DGKB: variants seen among roughly 807,000 people sequenced by gnomAD.
DGKB encodes the protein diacylglycerol kinase beta.
DGKB carries 67 observed loss-of-function variants against 114.3 expected under a neutral mutation model. That is an observed-to-expected ratio of 0.59 (90% CI 0.48 to 0.72). DGKB has a LOEUF of 0.72. DGKB is among the 30% of genes least tolerant of loss of function. The pLI is 0.00. For synonymous variants in DGKB, 398 were observed against 323.1 expected, an observed-to-expected ratio of 1.23 and a Z score of -2.49; for missense variants, 907 against 975.2, an observed-to-expected ratio of 0.93 and a Z score of 0.93.
chr7:14,400,073 T>TA (rs979812618), intron 21 of DGKB, among the ~76,000 whole-genome samples: 21 of 151,878 alleles, frequency 1.4e-4, no homozygotes, highest in African/African-American at 5.1e-4. Flanking sequence ...CGTGTAAAAA[T>TA]AGTTACTAAA....
At chr7:14,873,862 CTGTA>C (rs1378149441) in intron 1 of DGKB, among the ~76,000 whole-genome samples, 1 of 151,900 alleles carries the variant, frequency 6.6e-6, no homozygotes. Flanking sequence ...TTAGTAATGG[CTGTA>C]TGTATTACAT....
At chr7:14,817,195 G>T (rs573579766) in intron 2 of DGKB, among the ~76,000 whole-genome samples, 4 of 152,192 alleles carry the variant, frequency 2.6e-5, no homozygotes, top group African/African-American at 7.2e-5. Flanking sequence ...CGTTATGGTT[G>T]CCCCTAACAC....
intron 3 of DGKB, among the ~76,000 whole-genome samples, chr7:14,755,581 C>G (rs7786354): frequency 0.36 from 54,212 of 151,946 alleles, 13,411 homozygotes; most frequent in African/African-American, 0.69. Flanking sequence ...CCAGCCAATG[C>G]AGAGTGATAA....
chr7:14,396,554 G>T (rs185585700), intron 21 of DGKB, among the ~76,000 whole-genome samples: 1 of 152,194 alleles, frequency 6.6e-6, no homozygotes, highest in African/African-American at 2.4e-5. Flanking sequence ...TGTGGCCATG[G>T]ACCAAAAGGC....
chr7:14,572,448 T>C (rs1303942795), intron 20 of DGKB, among the ~76,000 whole-genome samples: 2 of 145,500 alleles, frequency 1.4e-5, no homozygotes, highest in East Asian at 2.0e-4. Context: ...CGAGACACCA[T>C]CTCAAAAAAA....
intron 2 of DGKB, among the ~76,000 whole-genome samples, chr7:14,829,032 C>T (rs974106489): frequency 4.0e-5 from 6 of 151,796 alleles, no homozygotes; most frequent in African/African-American, 1.5e-4. Flanking sequence ...AAATGGTTCA[C>T]GAGGCAAAGA....
At chr7:14,645,523 G>A (rs1209310285) in intron 13 of DGKB, among the ~76,000 whole-genome samples, 1 of 151,956 alleles carries the variant, frequency 6.6e-6, no homozygotes, top group East Asian at 1.9e-4. Context: ...AACTGTGGAA[G>A]CGAAAAAGCC....
chr7:14,830,408 A>G (rs1846255198), intron 2 of DGKB, among the ~76,000 whole-genome samples: 1 of 152,012 alleles, frequency 6.6e-6, no homozygotes, highest in Non-Finnish European at 1.5e-5. Context: ...TACCATGACT[A>G]TTCTCTAATA....
At chr7:14,950,923 G>A (rs1786164737) in intron 1 of DGKB, among the ~76,000 whole-genome samples, 1 of 151,644 alleles carries the variant, frequency 6.6e-6, no homozygotes, top group Non-Finnish European at 1.5e-5. Context: ...TTCCATGTAT[G>A]TAAGCTTGGT....
intron 23 of DGKB, among the ~76,000 whole-genome samples, chr7:14,282,711 C>T (rs370213335): frequency 1.1e-4 from 17 of 151,502 alleles, no homozygotes; most frequent in East Asian, 3.9e-4. Flanking sequence ...GTTCAATATA[C>T]GCAAATCAAT....
At chr7:14,969,607 A>C in intron 1 of DGKB, among the ~76,000 whole-genome samples, 1 of 152,174 alleles carries the variant, frequency 6.6e-6, no homozygotes, top group East Asian at 1.9e-4. Flanking sequence ...ATCCTATTGT[A>C]AACTAAGCAT....
At chr7:14,892,941 TAC>T (rs201222867) in intron 1 of DGKB, among the ~76,000 whole-genome samples, 40 of 150,012 alleles carry the variant, frequency 2.7e-4, no homozygotes, top group East Asian at 1.9e-4. Flanking sequence ...TGTGTATATA[TAC>T]ACACACATAT....
chr7:14,420,803 G>C (rs1252330711), intron 21 of DGKB, among the ~76,000 whole-genome samples: 1 of 152,082 alleles, frequency 6.6e-6, no homozygotes, highest in African/African-American at 2.4e-5. Context: ...GAAAGAAAGA[G>C]TAGCCCACAT....
At chr7:14,738,245 T>C (rs1036127960) in intron 4 of DGKB, among the ~76,000 whole-genome samples, 1 of 152,228 alleles carries the variant, frequency 6.6e-6, no homozygotes, top group Non-Finnish European at 1.5e-5. Flanking sequence ...GGAGTTGATT[T>C]TATTGCAAAG....
At chr7:14,392,142 C>T (rs1267797710) in intron 21 of DGKB, among the ~76,000 whole-genome samples, 1 of 152,134 alleles carries the variant, frequency 6.6e-6, no homozygotes, top group African/African-American at 2.4e-5. Context: ...GGAAACATTT[C>T]TTACCAACTG....
chr7:14,706,278 T>C (rs1180797839), intron 6 of DGKB, among the ~76,000 whole-genome samples: 147 of 146,614 alleles, frequency 1.0e-3, no homozygotes, highest in Admixed American at 4.1e-3. Context: ...ATCCTAAATA[T>C]ACATGCACCC....
chr7:14,475,058 T>A (rs1444475839), intron 21 of DGKB, among the ~76,000 whole-genome samples: 1 of 152,116 alleles, frequency 6.6e-6, no homozygotes, highest in Non-Finnish European at 1.5e-5. Flanking sequence ...ATAAGAAGCA[T>A]AGAGAACAGA....
At chr7:14,687,366 G>C (rs77999379) in intron 9 of DGKB, among the ~76,000 whole-genome samples, 1 of 152,074 alleles carries the variant, frequency 6.6e-6, no homozygotes, top group Non-Finnish European at 1.5e-5. Flanking sequence ...ATACAGCTAC[G>C]CAGGTGTCAT....
chr7:14,921,345 T>C (rs1479394573), intron 1 of DGKB, among the ~76,000 whole-genome samples: 2 of 152,130 alleles, frequency 1.3e-5, no homozygotes, highest in African/African-American at 2.4e-5. Context: ...GAGAAGGGTA[T>C]ATACAAATTC....
Sources: allele counts gnomAD v4.1 joint callset (sites outside exome capture counted in the v4.1 genomes callset), GRCh38; gene constraint gnomAD v4.1.1; transcripts MANE v1.5; gene names NCBI Gene and HGNC (gene_info 2026-07-23, HGNC 2026-07-21).